Variants in MRC1 observed in about 807,000 individuals in gnomAD.
The protein encoded by MRC1 is macrophage mannose receptor 1.
A neutral mutation model predicts 102.9 loss-of-function variants in MRC1; 62 were observed. The observed-to-expected ratio is 0.60, with a 90% CI of 0.49 to 0.74. The LOEUF is 0.74. Ranked by LOEUF, MRC1 falls within the 30% of genes least tolerant of loss-of-function variation. MRC1 has a pLI of 0.00. For missense variants in MRC1, 1,237 were observed against 862.8 expected (o/e 1.43, Z -5.43); for synonymous variants, 457 against 298.4 (o/e 1.53, Z -5.48).
rs2130675175 is a variant in MRC1, at chr10:17,870,158, T to A, written c.1984-88T>A. 3 of 716,138 alleles carry A rather than the reference T, an allele frequency of 4.2e-6. No individual in the cohort carries two copies. In the East Asian group the frequency reaches 7.4e-5, roughly 18 times the overall value. The allele number at this position is 716,138 out of a possible 1,614,324, so 44.4% of individuals were successfully genotyped here. On this transcript the variant is annotated intron_variant, in intron 12 of 29. Transcript: ENST00000569591. ...TTACACTGTTTTGTTTTTCTGTAAA[T>A]GAACTCTCATCAAAAGTAAATATTT...
intron 1 of MRC1, among the ~76,000 whole-genome samples, chr10:17,822,660 A>G (rs937585121): frequency 6.6e-6 from 1 of 152,162 alleles, no homozygotes. Flanking sequence ...TCTAGGACAT[A>G]CATGCATTTA....
intron 27 of MRC1, 127 bp downstream of exon 27, chr10:17,907,126 CATATTTTT>C: frequency 1.4e-6 from 1 of 690,032 alleles, no homozygotes; most frequent in East Asian, 2.5e-5. Context: ...AATTCAAACT[CATATTTTT>C]ATTTAAGAAC....
At chr10:17,867,301 T>TCTTCCTTCTTCCTC (rs1554841564) in intron 12 of MRC1, among the ~76,000 whole-genome samples, 2 of 139,246 alleles carry the variant, frequency 1.4e-5, no homozygotes, top group South Asian at 2.5e-4. Context: ...CTTCGTTCCT[T>TCTTCCTTCTTCCTC]CTTCCTTCTT....
intron 11 of MRC1, 58 bp downstream of exon 11, chr10:17,863,740 T>C (rs1833219979): frequency 1.3e-6 from 1 of 762,812 alleles, no homozygotes; most frequent in South Asian, 1.4e-5. Flanking sequence ...TTAGATAAAG[T>C]CTGTTATTCC....
intron 22 of MRC1, 63 bp downstream of exon 22, chr10:17,885,498 T>C: frequency 2.6e-6 from 2 of 766,726 alleles, no homozygotes; most frequent in South Asian, 1.4e-5. Flanking sequence ...TATCATCTTA[T>C]TGATTACTGT....
rs1833903267 is a variant in MRC1, at chr10:17,906,914, T to A, written c.3828T>A (p.Ala1276=). The change falls in exon 27 of 30, where the codon GCT becomes GCA. Residue 1276 remains alanine, a synonymous_variant. Coordinates refer to ENST00000569591, the MANE Select transcript of MRC1 (RefSeq NM_002438.4). ...MGSSLVSIES[A]AESSFLSYRV... ...CCTCTCTGGTTTCCATTGAAAGTGC[T>A]GCAGAATCCAGTTTTCTGTCATATC... The A allele has an allele frequency of 1.4e-4, 115 of 805,826 alleles. 1 individual carries two copies. In the South Asian group the frequency reaches 1.5e-3, roughly 11 times the overall value. The allele number at this position is 805,826 out of a possible 1,614,324, so 49.9% of individuals were successfully genotyped here. A position where few individuals can be genotyped will look rare whatever the true frequency, so the allele number is the denominator to read the frequency against.
intron 12 of MRC1, among the ~76,000 whole-genome samples, chr10:17,869,998 A>G (rs1321392482): frequency 1.3e-5 from 2 of 152,184 alleles, no homozygotes; most frequent in African/African-American, 4.8e-5. Flanking sequence ...TAAGATTTTC[A>G]TCTAATTTCT....
chr10:17,883,278 C>T (rs993881519), intron 21 of MRC1, among the ~76,000 whole-genome samples: 1 of 151,998 alleles, frequency 6.6e-6, no homozygotes, highest in Non-Finnish European at 1.5e-5. Flanking sequence ...CAGGTGTGCA[C>T]CATCATACCT....
intron 3 of MRC1, among the ~76,000 whole-genome samples, chr10:17,829,089 T>C: frequency 6.6e-6 from 1 of 151,430 alleles, no homozygotes; most frequent in Non-Finnish European, 1.5e-5. Flanking sequence ...CAGAACTCTT[T>C]CTCCTGCTGC....
At chr10:17,902,198 A>G (rs1390057480) in intron 26 of MRC1, 76 bp downstream of exon 26, 9 of 692,434 alleles carry the variant, frequency 1.3e-5, no homozygotes, top group Non-Finnish European at 2.1e-5. Flanking sequence ...CATGAAATAT[A>G]CAAAGAATGT....
At chr10:17,845,061 G>T (rs1838805271) in intron 5 of MRC1, 4 of 764,294 alleles carry the variant, frequency 5.2e-6, no homozygotes, top group Non-Finnish European at 9.8e-6. Flanking sequence ...AAGTATATTT[G>T]CTTTATCAAC....
intron 1 of MRC1, among the ~76,000 whole-genome samples, chr10:17,816,052 G>C (rs1339317890): frequency 6.6e-6 from 1 of 152,158 alleles, no homozygotes. Context: ...TCGAACTCCT[G>C]ACCTCAGGTG....
At chr10:17,822,953 T>G in intron 1 of MRC1, 121 bp from the exon 2 acceptor site, 1 of 694,908 alleles carries the variant, frequency 1.4e-6, no homozygotes, top group Non-Finnish European at 2.7e-6. Context: ...CCTGCAATCT[T>G]AAGTCTTTAG....
chr10:17,822,916 C>A (rs1190321866), intron 1 of MRC1, among the ~76,000 whole-genome samples, 158 bp from the exon 2 acceptor site: 1 of 152,122 alleles, frequency 6.6e-6, no homozygotes, highest in Non-Finnish European at 1.5e-5. Context: ...GAGAGCTGGC[C>A]CAGGCACAGT....
At chr10:17,884,268 C>A (rs1833558851) in intron 21 of MRC1, among the ~76,000 whole-genome samples, 3 of 152,170 alleles carry the variant, frequency 2.0e-5, no homozygotes, top group African/African-American at 7.2e-5. Flanking sequence ...CATCCCCAGC[C>A]CCTGATGTGA....
intron 24 of MRC1, among the ~76,000 whole-genome samples, chr10:17,898,847 C>G (rs1319445902): frequency 3.3e-5 from 5 of 152,350 alleles, no homozygotes; most frequent in African/African-American, 1.2e-4. Context: ...TGAGTCTTCT[C>G]TGATGCCTAG....
At chr10:17,835,853 G>C (rs1838654615) in intron 4 of MRC1, among the ~76,000 whole-genome samples, 1 of 152,212 alleles carries the variant, frequency 6.6e-6, no homozygotes, top group Non-Finnish European at 1.5e-5. Flanking sequence ...CAGTAGGTGT[G>C]ACACAGGGCA....
At chr10:17,855,571 CA>C (rs35692453) in intron 8 of MRC1, among the ~76,000 whole-genome samples, 4,902 of 41,854 alleles carry the variant, frequency 0.12, 83 homozygotes, top group African/African-American at 0.35. Context: ...GACTCCGTCT[CA>C]AAAAAAAAAA....
chr10:17,827,804 C>T, intron 3 of MRC1, 89 bp downstream of exon 3: 1 of 763,152 alleles, frequency 1.3e-6, no homozygotes, highest in Non-Finnish European at 2.5e-6. Flanking sequence ...GCATTTTTCC[C>T]CAAAGTTATT....
Sources: allele counts gnomAD v4.1 joint callset (sites outside exome capture counted in the v4.1 genomes callset), GRCh38; gene constraint gnomAD v4.1.1; transcripts MANE v1.5; gene names NCBI Gene and HGNC (gene_info 2026-07-23, HGNC 2026-07-21).